Variants in NXPE2 observed in about 807,000 individuals in gnomAD.
NXPE2 encodes the protein neurexophilin and PC-esterase domain family member 2, also known as NXPE family member 2.
NXPE2 carries 34 observed loss-of-function variants against 34.4 expected under a neutral mutation model. The observed-to-expected ratio is 0.99, with a 90% CI of 0.75 to 1.31. The LOEUF (loss-of-function observed/expected upper bound fraction) is 1.31, where lower values mean the gene tolerates loss of function less well. Ranked by LOEUF, NXPE2 falls within the 40% of genes most tolerant of loss-of-function variation. The pLI, the probability that NXPE2 is intolerant of heterozygous loss-of-function variation, is 0.00. For missense variants in NXPE2, 649 were observed against 672.5 expected (o/e 0.97, Z 0.39); for synonymous variants, 235 against 231.3 (o/e 1.02, Z -0.15).
the NXPE2 span, among the ~76,000 whole-genome samples, chr11:114,515,462 A>C: frequency 2.6e-5 from 4 of 152,340 alleles, no homozygotes; most frequent in East Asian, 7.7e-4. Context: ...ACTGAGAGGA[A>C]ACTGAGACTT....
chr11:114,631,434 A>G, the NXPE2 span, among the ~76,000 whole-genome samples: 1 of 150,058 alleles, frequency 6.7e-6, no homozygotes, highest in Non-Finnish European at 1.5e-5. Flanking sequence ...CAAAAAACCA[A>G]ACACTGCATA....
the NXPE2 span, among the ~76,000 whole-genome samples, chr11:114,560,418 C>T: frequency 2.0e-3 from 310 of 151,974 alleles, 1 homozygote; most frequent in African/African-American, 7.3e-3. Context: ...CATGCTGCCA[C>T]ACCTGGCTAA....
At chr11:114,794,384 G>A in the NXPE2 span, among the ~76,000 whole-genome samples, 1 of 152,042 alleles carries the variant, frequency 6.6e-6, no homozygotes, top group East Asian at 1.9e-4. Context: ...CATTTAGTTG[G>A]CCCAATCATG....
chr11:114,779,032 C>G, the NXPE2 span, among the ~76,000 whole-genome samples: 1 of 152,174 alleles, frequency 6.6e-6, no homozygotes, highest in Non-Finnish European at 1.5e-5. Context: ...CAGTTCCTTT[C>G]CCCCTCTCTC....
the NXPE2 span, among the ~76,000 whole-genome samples, chr11:114,613,272 G>T: frequency 2.6e-5 from 4 of 151,934 alleles, no homozygotes; most frequent in Admixed American, 6.6e-5. Flanking sequence ...TGCCTCACAG[G>T]TAACCACTGT....
At chr11:114,599,316 G>A in the NXPE2 span, among the ~76,000 whole-genome samples, 1 of 152,058 alleles carries the variant, frequency 6.6e-6, no homozygotes, top group East Asian at 1.9e-4. Flanking sequence ...GGACTTCATT[G>A]TCCATATCAC....
chr11:114,669,042 C>G, the NXPE2 span, among the ~76,000 whole-genome samples: 1 of 151,968 alleles, frequency 6.6e-6, no homozygotes, highest in Non-Finnish European at 1.5e-5. Context: ...GTGGAAGAGA[C>G]TGATCAGATT....
At chr11:114,709,281 T>C (rs146324139), downstream of NXPE2, among the ~76,000 whole-genome samples, 1 of 152,364 alleles carries the variant, frequency 6.6e-6, no homozygotes, top group African/African-American at 2.4e-5. Flanking sequence ...GTCATTGTAA[T>C]TGGTTGCATT....
At chr11:114,715,884 C>A in the NXPE2 span, among the ~76,000 whole-genome samples, 1 of 152,098 alleles carries the variant, frequency 6.6e-6, no homozygotes, top group Non-Finnish European at 1.5e-5. Context: ...GCCTGTGTAC[C>A]ACAACCACCT....
At chr11:114,626,036 G>A in the NXPE2 span, among the ~76,000 whole-genome samples, 1 of 152,220 alleles carries the variant, frequency 6.6e-6, no homozygotes, top group African/African-American at 2.4e-5. Flanking sequence ...CGCCCACGGA[G>A]TCTCACTGAT....
At chr11:114,551,221 A>G in the NXPE2 span, 4 of 1,493,756 alleles carry the variant, frequency 2.7e-6, no homozygotes, top group Non-Finnish European at 2.7e-6. Context: ...CCTAGGAGAG[A>G]TGACACAAGA....
the NXPE2 span, among the ~76,000 whole-genome samples, chr11:114,585,267 T>A: frequency 6.6e-6 from 1 of 151,712 alleles, no homozygotes; most frequent in African/African-American, 2.4e-5. Flanking sequence ...GAGATACTAT[T>A]TTTATTTTTG....
In NXPE2 at chr11:114,698,914, T is replaced by C. The variant is rs1003002636; in HGVS notation, c.866+136T>C. 5.8e-6 allele frequency: 5 copies of C among 867,250 alleles called. No individual in the cohort carries two copies. The Admixed American group carries it at 1.5e-4, about 26-fold the overall frequency. The allele number at this position is 867,250 out of a possible 1,614,324, so 53.7% of individuals were successfully genotyped here. On this transcript the variant is annotated intron_variant, in intron 3 of 5. Transcript: ENST00000389586. ...TTATAATTAGGTCCTCAGAGTCAGT[T>C]CAGCTTGGAGTGTGTTCACAGGGAT...
chr11:114,626,921 G>T, the NXPE2 span, among the ~76,000 whole-genome samples: 2 of 151,690 alleles, frequency 1.3e-5, no homozygotes, highest in South Asian at 2.1e-4. Flanking sequence ...GGGTATCAGT[G>T]ATGGAAGATG....
At chr11:114,694,000 A>G (rs1273595828) in intron 2 of NXPE2, among the ~76,000 whole-genome samples, 1 of 152,208 alleles carries the variant, frequency 6.6e-6, no homozygotes, top group Non-Finnish European at 1.5e-5. Context: ...TGAAAACTCT[A>G]GAGGAGAATA....
At chr11:114,669,303 A>C in the NXPE2 span, among the ~76,000 whole-genome samples, 2 of 152,244 alleles carry the variant, frequency 1.3e-5, no homozygotes, top group Non-Finnish European at 2.9e-5. Context: ...AAAGACTGGA[A>C]ATTGAGCCAC....
the NXPE2 span, among the ~76,000 whole-genome samples, chr11:114,798,263 AAC>A: frequency 1.3e-5 from 2 of 152,212 alleles, no homozygotes; most frequent in Non-Finnish European, 2.9e-5. Flanking sequence ...ACCAACAGGT[AAC>A]AGTTACCTGA....
At chr11:114,563,159 G>A in the NXPE2 span, among the ~76,000 whole-genome samples, 1 of 152,050 alleles carries the variant, frequency 6.6e-6, no homozygotes, top group East Asian at 1.9e-4. Flanking sequence ...CAGGAAAAGA[G>A]GGGCCCTCTT....
At chr11:114,559,812 T>G in the NXPE2 span, 2 of 152,326 alleles carry the variant, frequency 1.3e-5, no homozygotes, top group Non-Finnish European at 2.9e-5. Context: ...TTTAATGATC[T>G]CTCCTATCTG....
Sources: gnomAD v4.1 joint callset for allele counts (sites outside exome capture counted in the v4.1 genomes callset) on GRCh38, gnomAD v4.1.1 for gene constraint, MANE v1.5 for transcripts, NCBI Gene and HGNC (gene_info 2026-07-23, HGNC 2026-07-21) for gene names.